The following SAXO2 variants were observed in gnomAD, a reference collection of about 807,000 sequenced individuals.
SAXO2 encodes family with sequence similarity 154, member B.
A neutral mutation model predicts 18.7 loss-of-function variants in SAXO2; 17 were observed. That is an observed-to-expected ratio of 0.91 (90% confidence interval 0.62 to 1.36). The LOEUF is 1.36. SAXO2 is among the 40% of genes most tolerant of loss of function. SAXO2 has a pLI of 0.00. For missense variants in SAXO2, 486 were observed against 562.6 expected (o/e 0.86, Z 1.38); for synonymous variants, 163 against 181.2 (o/e 0.90, Z 0.81).
At chr15:82,271,872 C>T in intron 3 of SAXO2, 70 bp downstream of exon 3, 6 of 1,321,034 alleles carry the variant, frequency 4.5e-6, no homozygotes, top group Non-Finnish European at 6.4e-6. Flanking sequence ...CATCTAATAT[C>T]AAATTATAAC....
intron 3 of SAXO2, among the ~76,000 whole-genome samples, chr15:82,274,394 C>A (rs1323698066): frequency 6.6e-6 from 1 of 151,932 alleles, no homozygotes; most frequent in African/African-American, 2.4e-5. Context: ...TTGTAGATAA[C>A]CTATTTAAAA....
At chr15:82,282,053 G>C in intron 3 of SAXO2, 66 bp from the exon 4 acceptor site, 2 of 1,327,170 alleles carry the variant, frequency 1.5e-6, no homozygotes, top group Non-Finnish European at 2.1e-6. Flanking sequence ...AGTCAGTTAT[G>C]ATTTTTAGAA....
In SAXO2 at chr15:82,280,511, T is replaced by C. The variant is rs966126656; in HGVS notation, c.434-1608T>C. On this transcript the variant is annotated intron_variant, in intron 3 of 3. Transcript: ENST00000682753. ...GTACCTCAAGAAAAAAAAAAGACTC[T>C]GGTAAAGCTTCATGTGAACTGAAAA... is the stretch of plus-strand genomic sequence containing the variant. 3.7e-4 allele frequency among the ~76,000 whole-genome samples: 56 copies of C among 152,180 alleles called. No homozygotes were observed. In the Middle Eastern group the frequency reaches 0.01, roughly 28 times the overall value.
intron 2 of SAXO2, among the ~76,000 whole-genome samples, 169 bp downstream of exon 2, chr15:82,265,917 A>G (rs965883244): frequency 6.6e-6 from 1 of 151,968 alleles, no homozygotes; most frequent in African/African-American, 2.4e-5. Context: ...CAGAAAAATG[A>G]GAATTAAGTT....
At chr15:82,271,151 C>T (rs2075267325) in intron 2 of SAXO2, among the ~76,000 whole-genome samples, 2 of 152,116 alleles carry the variant, frequency 1.3e-5, no homozygotes, top group South Asian at 4.1e-4. Context: ...AGCATGAATT[C>T]AAAAAGAAGA....
chr15:82,272,283 A>T (rs2075278882), intron 3 of SAXO2, among the ~76,000 whole-genome samples: 1 of 152,228 alleles, frequency 6.6e-6, no homozygotes. Flanking sequence ...CTGCTTTTAC[A>T]CTGATAAAGG....
Position 82,282,603 on chromosome 15 carries a change from G to A in SAXO2, c.918G>A (p.Leu306=), listed in dbSNP as rs1000417746. 6 of 1,614,042 alleles carry A rather than the reference G, an allele frequency of 3.7e-6. No homozygotes were observed. In the Admixed American group the frequency reaches 6.7e-5, roughly 18 times the overall value. Residue 306 remains leucine (L), a synonymous_variant, in exon 4 of 4, where the codon CTG becomes CTA. Transcript: ENST00000682753. ...PEYVPPTGSM[L]LNSTSHLDYV... ...ATGTGCCTCCTACAGGTAGCATGCT[G>A]TTAAACAGCACAAGCCATCTTGACT... is the stretch of plus-strand genomic sequence containing the variant.
intron 1 of SAXO2, chr15:82,264,851 G>A: frequency 1.5e-6 from 1 of 648,610 alleles, no homozygotes; most frequent in Non-Finnish European, 2.8e-6. Flanking sequence ...CCTCTATTAT[G>A]TTCCATGCAA....
At chr15:82,264,140 G>A (rs1276449308) in intron 1 of SAXO2, among the ~76,000 whole-genome samples, 2 of 144,876 alleles carry the variant, frequency 1.4e-5, no homozygotes, top group African/African-American at 5.1e-5. Flanking sequence ...GCGCAATCTC[G>A]GCTCACTGCA....
At chr15:82,280,337 C>CT (rs1229180432) in intron 3 of SAXO2, among the ~76,000 whole-genome samples, 2 of 152,054 alleles carry the variant, frequency 1.3e-5, no homozygotes, top group African/African-American at 2.4e-5. Context: ...TAATGAAAAT[C>CT]TTTTTTCTCT....
chr15:82,265,894 TGAAA>T (rs2075212534), intron 2 of SAXO2, 146 bp downstream of exon 2: 1 of 473,388 alleles, frequency 2.1e-6, no homozygotes, highest in South Asian at 9.8e-5. Context: ...AGTCACAACT[TGAAA>T]AAAAAAAACA....
chr15:82,274,798 T>G lies in SAXO2; in HGVS notation c.433+2996T>G, dbSNP rs529908082. On this transcript the variant is annotated intron_variant, in intron 3 of 3. Coordinates refer to ENST00000682753, the MANE Select transcript of SAXO2 (RefSeq NM_001348699.2). ...GCAAAAGCAGGGTTAAGAGGAAAGT[T>G]TATAATGCTAAATGCCTACATCAAA... 4.2e-4 allele frequency among the ~76,000 whole-genome samples: 64 copies of G among 151,838 alleles called. 3 individuals are homozygous for G. Among genetic ancestry groups the G allele is most frequent in the Middle Eastern group, 3.4e-3 (1 of 294 alleles).
At chr15:82,281,355 CTTAAGG>C (rs2075360361) in intron 3 of SAXO2, among the ~76,000 whole-genome samples, 1 of 152,156 alleles carries the variant, frequency 6.6e-6, no homozygotes, top group African/African-American at 2.4e-5. Context: ...CAGGAGTAAG[CTTAAGG>C]TTATTTAACT....
At chr15:82,273,934 C>T (rs1215635157) in intron 3 of SAXO2, among the ~76,000 whole-genome samples, 2 of 152,016 alleles carry the variant, frequency 1.3e-5, no homozygotes, top group African/African-American at 2.4e-5. Context: ...GACAGAGTTT[C>T]ACCATGTTGG....
chr15:82,265,469 A>G lies in SAXO2; in HGVS notation c.54-100A>G, dbSNP rs2075207812. On this transcript the variant is annotated intron_variant, in intron 1 of 3. Coordinates refer to ENST00000682753, the MANE Select transcript of SAXO2 (RefSeq NM_001348699.2). Reference sequence around the variant, plus strand: ...GTTTTTGGTTTTTTAGTAAAGCTCTAGAATTTAGAAATTGTGAGTTTATTA... The same window carrying G: ...GTTTTTGGTTTTTTAGTAAAGCTCTGGAATTTAGAAATTGTGAGTTTATTA... 1.1e-5 allele frequency: 11 copies of G among 961,476 alleles called. No individual in the cohort carries two copies. In the South Asian group the frequency reaches 3.2e-4, roughly 28 times the overall value. The allele number at this position is 961,476 out of a possible 1,614,324, so 59.6% of individuals were successfully genotyped here. A position where few individuals can be genotyped will look rare whatever the true frequency, so the allele number is the denominator to read the frequency against.
rs529551051 is a variant in SAXO2, at chr15:82,283,194, ATATAT to A, written c.*137_*141del. The A allele has an allele frequency of 6.5e-4, 363 of 562,570 alleles. 1 individual carries two copies. Among genetic ancestry groups the A allele is most frequent in the East Asian group, 2.3e-3 (65 of 28,432 alleles). The allele number at this position is 562,570 out of a possible 1,614,324, so 34.8% of individuals were successfully genotyped here. Reference sequence around the variant, plus strand: ...TATTTTTAAACAAGAAAATTGGAAAATATATTATAAGAAATCAGAATCTTAAAACC... The same window carrying A: ...TATTTTTAAACAAGAAAATTGGAAAATATAAGAAATCAGAATCTTAAAACC... On this transcript the variant is annotated 3_prime_UTR_variant, in exon 4 of 4. Transcript: ENST00000682753.
intron 2 of SAXO2, among the ~76,000 whole-genome samples, chr15:82,269,827 G>A (rs2075254329): frequency 6.6e-6 from 1 of 152,146 alleles, no homozygotes; most frequent in Non-Finnish European, 1.5e-5. Context: ...GAGAAAAGTG[G>A]TTAGATTTGA....
At chr15:82,264,628 A>T in intron 1 of SAXO2, 1 of 702,240 alleles carries the variant, frequency 1.4e-6, no homozygotes, top group East Asian at 2.7e-5. Context: ...GGAAGAACTT[A>T]AGAAATCATT....
At chr15:82,269,460 G>A (rs778575902) in intron 2 of SAXO2, among the ~76,000 whole-genome samples, 7 of 152,196 alleles carry the variant, frequency 4.6e-5, no homozygotes, top group Non-Finnish European at 8.8e-5. Flanking sequence ...GAAAGCAAGA[G>A]GAAACAACGG....
Sources: gnomAD v4.1 joint callset for allele counts (sites outside exome capture counted in the v4.1 genomes callset) on GRCh38, gnomAD v4.1.1 for gene constraint, MANE v1.5 for transcripts, NCBI Gene and HGNC (gene_info 2026-07-23, HGNC 2026-07-21) for gene names.